The following TNFSF8 variants were observed in gnomAD, a reference collection of about 807,000 sequenced individuals.
TNFSF8 encodes tumor necrosis factor ligand superfamily member 8.
TNFSF8 carries 4 observed loss-of-function variants against 22.0 expected under a neutral mutation model. That is an observed-to-expected ratio of 0.18 (90% CI 0.09 to 0.42). The LOEUF (loss-of-function observed/expected upper bound fraction) is 0.42. Ranked by LOEUF, TNFSF8 falls within the 10% of genes least tolerant of loss-of-function variation. The pLI is 1.00. For missense variants in TNFSF8, 233 were observed against 281.8 expected, an observed-to-expected ratio of 0.83 and a Z score of 1.24; for synonymous variants, 106 against 112.5, an observed-to-expected ratio of 0.94 and a Z score of 0.37.
In TNFSF8 at chr9:114,904,202, A is replaced by G; in HGVS notation, c.434T>C (p.Leu145Pro). The G allele has an allele frequency of 6.2e-7, 1 of 1,614,196 alleles. No individual in the cohort carries two copies. Among genetic ancestry groups the G allele is most frequent in the Non-Finnish European group, 8.5e-7 (1 of 1,179,998 alleles). ...ATTTGGGCATTGTACAAGAAACTGC[A>G]GTTGGCAAATGATGAAGTACAAACC... ...FPGLYFIICQ[L>P]QFLVQCPNNS... The change falls in exon 4 of 4, where the codon CTG (leucine) becomes CCG (proline). Residue 145 changes from leucine to proline, a missense_variant. By Grantham distance (98) the Leu-to-Pro change is moderately conservative. Coordinates refer to ENST00000223795, the MANE Select transcript of TNFSF8 (RefSeq NM_001244.4).
chr9:114,926,793 G>C (rs925838191), intron 1 of TNFSF8, among the ~76,000 whole-genome samples: 16 of 152,080 alleles, frequency 1.1e-4, no homozygotes, highest in South Asian at 2.1e-4. Flanking sequence ...ATCTGTCAAT[G>C]GTGGTTATCT....
downstream of TNFSF8, among the ~76,000 whole-genome samples, chr9:114,898,318 G>T (rs1367917712): frequency 1.3e-5 from 2 of 152,094 alleles, no homozygotes; most frequent in East Asian, 3.9e-4. Context: ...TGCCTATTTC[G>T]TTGGATTGCT....
chr9:114,929,178 T>C (rs1828103675), intron 1 of TNFSF8, among the ~76,000 whole-genome samples: 1 of 152,174 alleles, frequency 6.6e-6, no homozygotes, highest in South Asian at 2.1e-4. Context: ...ATGAAGAAGC[T>C]TCCTCTTTCT....
chr9:114,899,391 T>G (rs1192852557), downstream of TNFSF8, among the ~76,000 whole-genome samples: 2 of 151,672 alleles, frequency 1.3e-5, no homozygotes, highest in Admixed American at 1.3e-4. Context: ...TGACCTTTCT[T>G]CTTCTGGGTC....
At chr9:114,917,046 C>T (rs917434142) in intron 2 of TNFSF8, among the ~76,000 whole-genome samples, 8 of 152,168 alleles carry the variant, frequency 5.3e-5, no homozygotes, top group African/African-American at 1.4e-4. Context: ...ACTTTTGCCC[C>T]TATTTTTGAA....
At chr9:114,908,870 C>T (rs1312881775) in intron 2 of TNFSF8, among the ~76,000 whole-genome samples, 3 of 152,086 alleles carry the variant, frequency 2.0e-5, no homozygotes, top group Non-Finnish European at 4.4e-5. Flanking sequence ...GAGAAGACCC[C>T]AGAGAAGGGC....
intron 2 of TNFSF8, 40 bp from the exon 3 acceptor site, chr9:114,905,939 GT>G: frequency 7.1e-7 from 1 of 1,417,234 alleles, no homozygotes; most frequent in Non-Finnish European, 1.0e-6. Flanking sequence ...GTCTTTTGCC[GT>G]TTTGGGATCT....
chr9:114,904,063 A>G lies in TNFSF8; in HGVS notation c.573T>C (p.Ser191=). The change falls in exon 4 of 4, where the codon TCT becomes TCC. Residue 191 remains serine, a synonymous_variant. Transcript: ENST00000223795. ...MQTKHVYQNL[S]QFLLDYLQVN... is the part of the protein sequence containing the mutation. ...CCTGCAGGTAATCCAGCAAGAATTG[A>G]GAGAGATTCTGGTATACGTGTTTCG... 1.2e-6 allele frequency: 2 copies of G among 1,614,158 alleles called. No homozygotes were observed. Among genetic ancestry groups the G allele is most frequent in the South Asian group, 1.1e-5 (1 of 91,072 alleles).
chr9:114,924,599 G>T (rs764166717), intron 1 of TNFSF8, among the ~76,000 whole-genome samples: 1 of 152,022 alleles, frequency 6.6e-6, no homozygotes, highest in Admixed American at 6.6e-5. Context: ...AGGTGCCAAG[G>T]TTATATTAGC....
At chr9:114,910,115 C>G (rs1406302934) in intron 2 of TNFSF8, among the ~76,000 whole-genome samples, 1 of 152,202 alleles carries the variant, frequency 6.6e-6, no homozygotes, top group Non-Finnish European at 1.5e-5. Context: ...TGTAAATCAT[C>G]TTTCCAAGCT....
At chr9:114,920,958 C>T (rs1486214627) in intron 1 of TNFSF8, among the ~76,000 whole-genome samples, 23 of 152,148 alleles carry the variant, frequency 1.5e-4, no homozygotes, top group Admixed American at 1.2e-3. Flanking sequence ...CGTGAGCCAC[C>T]GCACCTGGCC....
intron 1 of TNFSF8, among the ~76,000 whole-genome samples, chr9:114,927,139 A>G (rs1828073898): frequency 6.7e-6 from 1 of 148,632 alleles, no homozygotes; most frequent in African/African-American, 2.4e-5. Flanking sequence ...ATAAAATAGT[A>G]TTTATTTTAT....
intron 1 of TNFSF8, among the ~76,000 whole-genome samples, chr9:114,929,891 A>G (rs1396932853): frequency 7.0e-6 from 1 of 142,870 alleles, no homozygotes; most frequent in Non-Finnish European, 1.5e-5. Context: ...ATATATATAT[A>G]TAATATATAC....
intron 2 of TNFSF8, among the ~76,000 whole-genome samples, chr9:114,906,540 C>CT (rs1406271551): frequency 6.6e-6 from 1 of 152,148 alleles, no homozygotes; most frequent in Non-Finnish European, 1.5e-5. Context: ...TTGCCCATGG[C>CT]TAATTCCAGA....
intron 2 of TNFSF8, among the ~76,000 whole-genome samples, chr9:114,915,252 G>T (rs1375784849): frequency 6.6e-6 from 1 of 152,144 alleles, no homozygotes; most frequent in Non-Finnish European, 1.5e-5. Flanking sequence ...TGAGATTTTT[G>T]TTAGGTTTTT....
In TNFSF8 at chr9:114,915,036, C is replaced by T. The variant is rs546951414; in HGVS notation, c.238+3060G>A. Among the ~76,000 whole-genome samples the T allele has an allele frequency of 3.3e-5, 5 of 152,238 alleles. No homozygotes were observed. In the East Asian group the frequency reaches 9.7e-4, roughly 29 times the overall value. On this transcript the variant is annotated intron_variant, in intron 2 of 3. Transcript: ENST00000223795. ...TCAACAGCCAGTGAAAAAGGGCTCC[C>T]TAGAAGGTGTCTAGCTTCTGCCCTT...
At chr9:114,916,737 C>T (rs902826910) in intron 2 of TNFSF8, among the ~76,000 whole-genome samples, 2 of 152,172 alleles carry the variant, frequency 1.3e-5, no homozygotes, top group African/African-American at 2.4e-5. Context: ...GAAATGCAAC[C>T]GTGGTTACTT....
chr9:114,898,158 A>G, downstream of TNFSF8, among the ~76,000 whole-genome samples: 1 of 126,502 alleles, frequency 7.9e-6, no homozygotes, highest in East Asian at 2.1e-4. Flanking sequence ...GCACACCACC[A>G]TGCCCAGCTA....
At chr9:114,922,801 T>C (rs536253467) in intron 1 of TNFSF8, among the ~76,000 whole-genome samples, 1 of 152,202 alleles carries the variant, frequency 6.6e-6, no homozygotes, top group South Asian at 2.1e-4. Context: ...AAGCAGTGCT[T>C]CTCCCACTTT....
Sources: gnomAD v4.1 joint callset for allele counts (sites outside exome capture counted in the v4.1 genomes callset) on GRCh38, gnomAD v4.1.1 for gene constraint, MANE v1.5 for transcripts, NCBI Gene and HGNC (gene_info 2026-07-23, HGNC 2026-07-21) for gene names.